MCMBP: variants seen among roughly 807,000 people sequenced by gnomAD.
MCMBP encodes mini-chromosome maintenance complex-binding protein.
MCMBP carries 31 observed loss-of-function variants against 81.3 expected under a neutral mutation model. The observed-to-expected ratio is 0.38, with a 90% confidence interval of 0.29 to 0.51. MCMBP has a LOEUF of 0.51. MCMBP is among the 20% of genes least tolerant of loss of function. The pLI is 0.87. For missense variants in MCMBP, 645 were observed against 772.1 expected, an observed-to-expected ratio of 0.84 and a Z score of 1.95; for synonymous variants, 267 against 275.9, an observed-to-expected ratio of 0.97 and a Z score of 0.32.
intron 6 of MCMBP, among the ~76,000 whole-genome samples, chr10:119,852,548 C>T (rs1053445765): frequency 3.3e-5 from 5 of 152,126 alleles, no homozygotes; most frequent in African/African-American, 1.2e-4. Flanking sequence ...TGGTGGCATG[C>T]GCCTATAGCC....
chr10:119,852,020 C>T (rs918946470), intron 6 of MCMBP, among the ~76,000 whole-genome samples: 6 of 151,644 alleles, frequency 4.0e-5, no homozygotes, highest in South Asian at 2.1e-4. Context: ...GGCGTGGTGG[C>T]GCATGCCTGT....
chr10:119,858,824 A>C (rs2134390340), intron 4 of MCMBP, 60 bp downstream of exon 4: 1 of 1,238,480 alleles, frequency 8.1e-7, no homozygotes, highest in Non-Finnish European at 1.1e-6. Context: ...AGCTAAACAA[A>C]TTCTCTGTTT....
At chr10:119,831,716 G>A (rs760009193) in intron 15 of MCMBP, 116 bp from the exon 16 acceptor site, 95 of 1,200,792 alleles carry the variant, frequency 7.9e-5, no homozygotes, top group Middle Eastern at 2.5e-4. Context: ...AGACAAGACC[G>A]TATGGTAGTT....
intron 1 of MCMBP, among the ~76,000 whole-genome samples, chr10:119,865,988 T>C (rs1853436415): frequency 1.3e-5 from 2 of 151,612 alleles, no homozygotes; most frequent in Admixed American, 1.3e-4. Flanking sequence ...CTCAGGAAGC[T>C]GAGGCTGCAG....
intron 1 of MCMBP, among the ~76,000 whole-genome samples, chr10:119,865,161 T>A (rs1432544655): frequency 1.3e-5 from 2 of 152,246 alleles, no homozygotes; most frequent in Non-Finnish European, 2.9e-5. Context: ...TATTTCTTCT[T>A]TTATTTCTGC....
rs1852010708 is a variant in MCMBP, at chr10:119,830,954, TGAC to T, written c.*517_*519del. 1 of 152,354 alleles carries T rather than the reference TGAC, an allele frequency of 6.6e-6. No homozygotes were observed. Among genetic ancestry groups the T allele is most frequent in the Non-Finnish European group, 1.5e-5 (1 of 68,080 alleles). The allele number at this position is 152,354 out of a possible 1,614,324, so 9.4% of individuals were successfully genotyped here. A position where few individuals can be genotyped will look rare whatever the true frequency, so the allele number is the denominator to read the frequency against. On this transcript the variant is annotated 3_prime_UTR_variant, in exon 16 of 16. Coordinates refer to ENST00000369077, the MANE Select transcript of MCMBP (RefSeq NM_001256378.2). ...TTTCTGTGGCCAAACATCTGGGAAA[TGAC>T]AGTACAGAATTTCATGTAGTCATGT...
intron 5 of MCMBP, among the ~76,000 whole-genome samples, chr10:119,856,179 G>A (rs143458790): frequency 1.3e-5 from 2 of 152,252 alleles, no homozygotes; most frequent in Non-Finnish European, 2.9e-5. Flanking sequence ...CCAAGATCAC[G>A]CTACTGCACT....
At position 119,849,665 on chromosome 10, in the gene MCMBP, T is replaced by C. The variant is rs1589787845; in HGVS notation, c.575-89A>G. ...CCATAAGTGCCTTTCAAGTTTGATA[T>C]ACGTGATGCTTCTGAGCTTGCAAAG... is the stretch of plus-strand genomic sequence containing the variant. On this transcript the variant is annotated intron_variant, in intron 6 of 15. Transcript: ENST00000369077. 8.3e-6 allele frequency: 10 copies of C among 1,197,820 alleles called. No homozygotes were observed. In the East Asian group the frequency reaches 2.2e-4, roughly 26 times the overall value. The allele number at this position is 1,197,820 out of a possible 1,614,324, so 74.2% of individuals were successfully genotyped here. A position where few individuals can be genotyped will look rare whatever the true frequency, so the allele number is the denominator to read the frequency against.
At chr10:119,859,981 A>T (rs1228782209) in intron 1 of MCMBP, 97 bp from the exon 2 acceptor site, 2 of 860,536 alleles carry the variant, frequency 2.3e-6, no homozygotes, top group East Asian at 4.9e-5. Flanking sequence ...TCAGCAAAAA[A>T]CAAACTAAAA....
At chr10:119,856,640 G>C (rs1261617441) in intron 5 of MCMBP, among the ~76,000 whole-genome samples, 3 of 152,136 alleles carry the variant, frequency 2.0e-5, no homozygotes. Flanking sequence ...AAATCACTGT[G>C]CATTACCTTA....
At chr10:119,855,624 T>C (rs918782353) in intron 5 of MCMBP, among the ~76,000 whole-genome samples, 3 of 151,874 alleles carry the variant, frequency 2.0e-5, no homozygotes, top group Non-Finnish European at 2.9e-5. Context: ...TGAGCCGAGA[T>C]TGTGCCACTG....
At chr10:119,861,879 C>T (rs772718114) in intron 1 of MCMBP, among the ~76,000 whole-genome samples, 1 of 152,006 alleles carries the variant, frequency 6.6e-6, no homozygotes, top group Non-Finnish European at 1.5e-5. Flanking sequence ...TAGCTGGGAC[C>T]ACAGGCACGG....
intron 8 of MCMBP, among the ~76,000 whole-genome samples, chr10:119,844,070 G>A (rs1340515343): frequency 6.6e-6 from 1 of 152,164 alleles, no homozygotes; most frequent in Non-Finnish European, 1.5e-5. Context: ...CCGGGACATC[G>A]AATACTTGAC....
At chr10:119,847,562 T>A in intron 8 of MCMBP, 51 bp downstream of exon 8, 1 of 1,141,934 alleles carries the variant, frequency 8.8e-7, no homozygotes, top group Non-Finnish European at 1.3e-6. Flanking sequence ...TCCTGAAAAC[T>A]TGAAATTATA....
chr10:119,859,250 A>C, intron 2 of MCMBP, 69 bp from the exon 3 acceptor site: 2 of 1,416,658 alleles, frequency 1.4e-6, no homozygotes, highest in Admixed American at 1.9e-5. Context: ...TATATACACA[A>C]ACTTTATATC....
At chr10:119,858,214 T>C (rs1853119461) in intron 4 of MCMBP, 1 of 152,220 alleles carries the variant, frequency 6.6e-6, no homozygotes, top group African/African-American at 2.4e-5. Context: ...GTCAATAAAA[T>C]AGATGAGGCT....
chr10:119,842,391 A>T, intron 10 of MCMBP, 81 bp downstream of exon 10: 1 of 1,493,828 alleles, frequency 6.7e-7, no homozygotes, highest in Non-Finnish European at 9.0e-7. Context: ...GAAAACACAC[A>T]AATGACACCA....
chr10:119,840,057 T>C (rs1389239333), intron 11 of MCMBP, among the ~76,000 whole-genome samples: 1 of 152,228 alleles, frequency 6.6e-6, no homozygotes, highest in Admixed American at 6.5e-5. Context: ...TATAAAAATA[T>C]TTATATGTAA....
intron 4 of MCMBP, chr10:119,857,789 G>C (rs1853104784): frequency 6.3e-6 from 1 of 158,554 alleles, no homozygotes; most frequent in African/African-American, 2.4e-5. Context: ...CCAAACCTTA[G>C]GAAACTGATT....
Sources: allele counts gnomAD v4.1 joint callset (sites outside exome capture counted in the v4.1 genomes callset), GRCh38; gene constraint gnomAD v4.1.1; transcripts MANE v1.5; gene names NCBI Gene and HGNC (gene_info 2026-07-23, HGNC 2026-07-21).